Variants in TTN observed in about 807,000 individuals in gnomAD.
TTN encodes the protein titin.
TTN carries 1,525 observed loss-of-function variants against 3,223.0 expected under a neutral mutation model. That is an observed-to-expected ratio of 0.47 (90% CI 0.45 to 0.49). TTN has a LOEUF of 0.49. TTN is among the 20% of genes least tolerant of loss of function. TTN has a pLI of 0.00. For synonymous variants in TTN, 14,094 were observed against 15,161.0 expected, an observed-to-expected ratio of 0.93 and a Z score of 5.17; for missense variants, 40,786 against 43,424.0, an observed-to-expected ratio of 0.94 and a Z score of 5.40.
chr2:178,618,919 T>C (rs1470898767), intron 250 of TTN, 66 bp from the exon 251 acceptor site: 43 of 1,546,442 alleles, frequency 2.8e-5, no homozygotes, highest in Non-Finnish European at 3.6e-5. Context: ...ATCATGTTAT[T>C]ATGCATTTAT....
At chr2:178,722,609 T>A in intron 76 of TTN, 50 bp downstream of exon 76, 1 of 1,593,140 alleles carries the variant, frequency 6.3e-7, no homozygotes, top group Non-Finnish European at 8.5e-7. Flanking sequence ...ACCATAAAGA[T>A]ACAAGAGTTA....
At position 178,775,387 on chromosome 2, in the gene TTN, T is replaced by C. The variant is rs779874305; in HGVS notation, c.6477A>G (p.Glu2159=). 2.5e-6 allele frequency: 4 copies of C among 1,614,002 alleles called. No individual in the cohort carries two copies. The highest frequency in any genetic ancestry group is 3.4e-6 in the Non-Finnish European group (4 of 1,180,026). The part of the protein sequence containing the change: ...IMVKAINIAG[E]TSSHAFLLVQ... ...CAAGTAAGAATGCGTGACTGGAGGT[T>C]TCTCCAGCTATGTTGATGGCTTTTA... is the stretch of plus-strand genomic sequence containing the variant. Residue 2159 remains glutamate, a synonymous_variant, in exon 28 of 363, where the codon GAA becomes GAG. Coordinates refer to ENST00000589042, the MANE Select transcript of TTN (RefSeq NM_001267550.2).
chr2:178,674,087 C>T (rs968956862), intron 151 of TTN, among the ~76,000 whole-genome samples: 1 of 151,672 alleles, frequency 6.6e-6, no homozygotes, highest in Non-Finnish European at 1.5e-5. Flanking sequence ...AAAATTCAAT[C>T]GCCAATAACA....
chr2:178,680,716 G>A (rs1465938401), intron 138 of TTN, among the ~76,000 whole-genome samples: 1 of 151,948 alleles, frequency 6.6e-6, no homozygotes, highest in Non-Finnish European at 1.5e-5. Context: ...TCTTCAAAAT[G>A]AATTTAGAAT....
chr2:178,685,398 CT>C, intron 128 of TTN, 68 bp from the exon 129 acceptor site: 1 of 1,479,382 alleles, frequency 6.8e-7, no homozygotes, highest in East Asian at 2.5e-5. Context: ...TGTAAGGGAT[CT>C]TTTTATTAGA....
intron 2 of TTN, among the ~76,000 whole-genome samples, chr2:178,804,135 T>A (rs1283234324): frequency 6.6e-6 from 1 of 152,196 alleles, no homozygotes; most frequent in Non-Finnish European, 1.5e-5. Context: ...GTGAACCAAC[T>A]GAAGTTCAGG....
chr2:178,551,595 G>A (rs1358058644), intron 335 of TTN, 35 bp downstream of exon 335: 2 of 1,494,662 alleles, frequency 1.3e-6, no homozygotes, highest in Non-Finnish European at 1.8e-6. Context: ...ATGTTCAATT[G>A]CTAAACTAAA....
At position 178,756,273 on chromosome 2, in the gene TTN, G is replaced by C; in HGVS notation, c.11203C>G (p.His3735Asp). 6.2e-7 allele frequency: 1 copy of C among 1,613,788 alleles called. No homozygotes were observed. ...VDQGLYSCIV[H>D]NDCGERTTSA... is the part of the protein sequence containing the mutation. ...GTTGTCCTCTCTCCACAGTCATTGTGTACAATGCAGCTGTATAGTCCTTGG... is the reference window on the plus strand; with the variant it reads ...GTTGTCCTCTCTCCACAGTCATTGTCTACAATGCAGCTGTATAGTCCTTGG... The change falls in exon 46 of 363, where the codon CAC (histidine) becomes GAC (aspartate). Residue 3735 changes from histidine (H) to aspartate (D), a missense_variant. Transcript: ENST00000589042.
chr2:178,718,156 G>C lies in TTN; in HGVS notation c.24850C>G (p.Gln8284Glu). Residue 8284 changes from glutamine to glutamate, a missense_variant, in exon 86 of 363, where the codon CAG becomes GAG. Gln to Glu is a conservative substitution (Grantham distance 29). Transcript: ENST00000589042. ...EAVIGEPATL[Q>E]CKVDGTPEIR... ...TCTGGAGTTCCATCCACTTTACACT[G>C]TAAAGTTGCAGGTTCTCCAATGACT... The C allele has an allele frequency of 1.2e-6, 2 of 1,607,182 alleles. No individual in the cohort carries two copies. The highest frequency in any genetic ancestry group is 1.7e-6 in the Non-Finnish European group (2 of 1,179,578).
Position 178,707,613 on chromosome 2 carries a change from C to T in TTN, c.28954G>A (p.Val9652Met). ...TAATCTCCCGAATCTGCTTTAGCCA[C>T]ATCTCTGAGTTCCAGTACAGCTGTC... Reference protein sequence around the residue: ...SGTAVLELRDVAKADSGDYVC... With the variant: ...SGTAVLELRDMAKADSGDYVC... The change falls in exon 100 of 363, where the codon GTG (valine) becomes ATG (methionine). Residue 9652 changes from valine (V) to methionine (M), a missense_variant. Val to Met is a conservative substitution (Grantham distance 21). Coordinates refer to ENST00000589042, the MANE Select transcript of TTN (RefSeq NM_001267550.2). The T allele has an allele frequency of 6.2e-7, 1 of 1,613,904 alleles. No homozygotes were observed. The highest frequency in any genetic ancestry group is 8.5e-7 in the Non-Finnish European group (1 of 1,179,828).
At position 178,682,782 on chromosome 2, in the gene TTN, A is replaced by C. The variant is rs2069775711; in HGVS notation, c.33009T>G (p.Tyr11003Ter). ...EEYDYKEFEE[Y>*]EPTEEYDQYE... The stretch of plus-strand genomic sequence containing the variant: ...ATTGGTCATATTCTTCTGTTGGTTC[A>C]TACTCCTCAAATTCTTTATAATCAT... Residue 11003 changes from tyrosine (Y) to a stop codon, truncating the protein, a stop_gained, in exon 135 of 363, where the codon TAT (tyrosine) becomes TAG (stop). Coordinates refer to ENST00000589042, the MANE Select transcript of TTN (RefSeq NM_001267550.2). LOFTEE classifies it high-confidence loss of function. 6.2e-7 allele frequency: 1 copy of C among 1,612,848 alleles called. No individual in the cohort carries two copies. The highest frequency in any genetic ancestry group is 1.1e-5 in the South Asian group (1 of 91,000).
Position 178,664,872 on chromosome 2 carries a change from C to G in TTN, c.36098G>C (p.Arg12033Thr), listed in dbSNP as rs2065626306. The G allele has an allele frequency of 1.9e-6, 3 of 1,611,328 alleles. No homozygotes were observed. Among genetic ancestry groups the G allele is most frequent in the Non-Finnish European group, 2.5e-6 (3 of 1,179,490 alleles). ...IPAKTVPSKK[R>T]EPPSVKVPEA... is the part of the protein sequence containing the mutation. Reference sequence around the variant, plus strand: ...TGTACCTTTAACTGATGGGGGTTCTCTTTTTTTGGAAGGAACTGTCTTGGC... The same window carrying G: ...TGTACCTTTAACTGATGGGGGTTCTGTTTTTTTGGAAGGAACTGTCTTGGC... Residue 12033 changes from arginine (R) to threonine (T), a missense_variant, in exon 166 of 363, where the codon AGA becomes ACA. By Grantham distance (71) the Arg-to-Thr change is moderately conservative. Coordinates refer to ENST00000589042, the MANE Select transcript of TTN (RefSeq NM_001267550.2).
intron 302 of TTN, 37 bp downstream of exon 302, chr2:178,591,941 T>A (rs1425296617): frequency 1.9e-6 from 3 of 1,606,588 alleles, no homozygotes; most frequent in Non-Finnish European, 2.5e-6. Flanking sequence ...TTAAAGACAG[T>A]CAAACAATAG....
chr2:178,542,841 G>C lies in TTN; in HGVS notation c.97013C>G (p.Ala32338Gly). ...IPIAGRPPPA[A>G]SWFFAGSKLR... ...TTTAGAACCAGCAAAGAACCAGGAA[G>C]CAGCAGGAGGTGGACGGCCAGCAAT... The change falls in exon 348 of 363, where the codon GCT (alanine) becomes GGT (glycine). Residue 32338 changes from alanine to glycine, a missense_variant. By Grantham distance (60) the Ala-to-Gly change is moderately conservative (BLOSUM62 0). Coordinates refer to ENST00000589042, the MANE Select transcript of TTN (RefSeq NM_001267550.2). 3 of 1,613,856 alleles carry C rather than the reference G, an allele frequency of 1.9e-6. No individual in the cohort carries two copies. The highest frequency in any genetic ancestry group is 1.7e-6 in the Non-Finnish European group (2 of 1,179,810).
chr2:178,542,224 T>TCA, intron 349 of TTN, 40 bp downstream of exon 349: 1 of 1,557,526 alleles, frequency 6.4e-7, no homozygotes, highest in Non-Finnish European at 8.7e-7. Context: ...ACATTCAGAA[T>TCA]CAGAGGTGGG....
At position 178,618,744 on chromosome 2, in the gene TTN, A is replaced by G. The variant is rs770792191; in HGVS notation, c.46806T>C (p.Phe15602=). The change falls in exon 251 of 363, where the codon TTT becomes TTC. Residue 15602 remains phenylalanine, a synonymous_variant. Transcript: ENST00000589042. ...DAYPKAEAEW[F]KENEPLSTKT... ...TTGTAGATAAAGGTTCATTTTCTTT[A>G]AACCATTCAGCTTCTGCTTTGGGGT... The G allele has an allele frequency of 4.3e-6, 7 of 1,611,720 alleles. No homozygotes were observed. Among genetic ancestry groups the G allele is most frequent in the Middle Eastern group, 1.7e-4 (1 of 6,042 alleles).
intron 223 of TTN, among the ~76,000 whole-genome samples, chr2:178,637,980 A>T (rs2060713757): frequency 6.6e-6 from 1 of 152,052 alleles, no homozygotes; most frequent in Non-Finnish European, 1.5e-5. Context: ...GAGTTCTGAC[A>T]TTTAGAGTTT....
At position 178,566,632 on chromosome 2, in the gene TTN, AGTG is replaced by A; in HGVS notation, c.79497_79499del (p.Thr26500del). 1 of 1,612,686 alleles carries A rather than the reference AGTG, an allele frequency of 6.2e-7. No homozygotes were observed. Among genetic ancestry groups the A allele is most frequent in the Non-Finnish European group, 8.5e-7 (1 of 1,179,678 alleles). On this transcript the variant is annotated inframe_deletion, in exon 326 of 363. Coordinates refer to ENST00000589042, the MANE Select transcript of TTN (RefSeq NM_001267550.2). Reference sequence around the variant, plus strand: ...CCCAGGCAAGTGTGATTGAATTTTTAGTGGTGTCTACAATGTGTGCATTGGTAG... The same window carrying A: ...CCCAGGCAAGTGTGATTGAATTTTTAGTGTCTACAATGTGTGCATTGGTAG...
At position 178,591,007 on chromosome 2, in the gene TTN, A is replaced by G; in HGVS notation, c.60718T>C (p.Cys20240Arg). The change falls in exon 304 of 363, where the codon TGT becomes CGT. Residue 20240 changes from cysteine (C) to arginine (R), a missense_variant. Cys to Arg is a radical substitution (Grantham distance 180, BLOSUM62 -3). Transcript: ENST00000589042. The part of the protein sequence containing the change: ...KLKIPHLQKG[C>R]EYVFRVRAEN... ...GCTCTAACTCGGAAAACATATTCAC[A>G]GCCCTTCTGCAGATGTGGGATTTTC... The G allele has an allele frequency of 2.5e-6, 4 of 1,613,496 alleles. No homozygotes were observed. Among genetic ancestry groups the G allele is most frequent in the Non-Finnish European group, 3.4e-6 (4 of 1,179,558 alleles).
Sources: allele counts gnomAD v4.1 joint callset (sites outside exome capture counted in the v4.1 genomes callset), GRCh38; gene constraint gnomAD v4.1.1; transcripts MANE v1.5; gene names NCBI Gene and HGNC (gene_info 2026-07-23, HGNC 2026-07-21).